CLASP1: variants seen among roughly 807,000 people sequenced by gnomAD.
CLASP1 encodes CLIP-associating protein 1.
In CLASP1, 38 loss-of-function variants were observed where a neutral mutation model predicts 192.3. The observed-to-expected ratio is 0.20, with a 90% CI of 0.15 to 0.26. CLASP1 has a LOEUF of 0.26. Ranked by LOEUF, CLASP1 falls within the 10% of genes least tolerant of loss-of-function variation. The pLI is 1.00. For synonymous variants in CLASP1, 691 were observed against 712.8 expected, an observed-to-expected ratio of 0.97 and a Z score of 0.49; for missense variants, 1,433 against 1,932.5, an observed-to-expected ratio of 0.74 and a Z score of 4.85.
intron 14 of CLASP1, among the ~76,000 whole-genome samples, chr2:121,452,503 T>C (rs900518808): frequency 6.6e-6 from 1 of 152,158 alleles, no homozygotes; most frequent in Non-Finnish European, 1.5e-5. Context: ...AAAATTTTCT[T>C]TTTCTGGCCG....
At chr2:121,506,424 C>A (rs945337997) in intron 7 of CLASP1, among the ~76,000 whole-genome samples, 21 of 151,636 alleles carry the variant, frequency 1.4e-4, no homozygotes, top group African/African-American at 4.9e-4. Context: ...CCAGTGACAA[C>A]TGTTCAACAT....
At chr2:121,638,090 T>A (rs991505529) in intron 1 of CLASP1, among the ~76,000 whole-genome samples, 2 of 151,900 alleles carry the variant, frequency 1.3e-5, no homozygotes, top group African/African-American at 4.8e-5. Flanking sequence ...CCAAAAGATA[T>A]AAATCAATCA....
At chr2:121,546,839 A>C (rs1358981331) in intron 2 of CLASP1, among the ~76,000 whole-genome samples, 1 of 152,152 alleles carries the variant, frequency 6.6e-6, no homozygotes, top group Non-Finnish European at 1.5e-5. Flanking sequence ...CTCTATGAAA[A>C]AGAGGTCAGA....
At chr2:121,478,726 AC>A in intron 8 of CLASP1, among the ~76,000 whole-genome samples, 1 of 90,596 alleles carries the variant, frequency 1.1e-5, no homozygotes, top group Non-Finnish European at 2.2e-5. Context: ...AACCACACAC[AC>A]ACCACACACA....
In CLASP1 at chr2:121,382,750, C is replaced by A. The variant is rs938639197; in HGVS notation, c.3375-426G>T. On this transcript the variant is annotated intron_variant, in intron 32 of 39. Coordinates refer to ENST00000263710, the Ensembl canonical transcript of CLASP1. ...AAAGAACCAAAGAAGAATCATGGGG[C>A]CTTAATTCAAATCGGACCAGAGGGA... Among the ~76,000 whole-genome samples, 5 of 152,280 alleles carry A rather than the reference C, an allele frequency of 3.3e-5. No homozygotes were observed. In the South Asian group the frequency reaches 6.2e-4, roughly 19 times the overall value.
At chr2:121,513,009 G>A (rs917915140) in intron 7 of CLASP1, 3 of 152,218 alleles carry the variant, frequency 2.0e-5, no homozygotes, top group African/African-American at 4.8e-5. Context: ...CTATAATGAT[G>A]TAAGAGAAGT....
At chr2:121,488,154 T>C (rs1211129741) in intron 8 of CLASP1, among the ~76,000 whole-genome samples, 1 of 152,194 alleles carries the variant, frequency 6.6e-6, no homozygotes, top group Admixed American at 6.5e-5. Flanking sequence ...TACTGGATGG[T>C]TTCTTTTTAC....
intron 29 of CLASP1, 62 bp downstream of exon 30, chr2:121,398,260 A>T: frequency 1.6e-6 from 2 of 1,280,492 alleles, no homozygotes; most frequent in Non-Finnish European, 2.2e-6. Context: ...ATACATAAAC[A>T]AAAGTAAATT....
chr2:121,479,300 T>C (rs919531758), intron 8 of CLASP1, among the ~76,000 whole-genome samples: 3 of 151,480 alleles, frequency 2.0e-5, no homozygotes, highest in African/African-American at 7.3e-5. Context: ...AAAGAATGCA[T>C]GCAAAAACTT....
At chr2:121,616,482 AG>A (rs2066485061) in intron 1 of CLASP1, among the ~76,000 whole-genome samples, 2 of 152,184 alleles carry the variant, frequency 1.3e-5, no homozygotes, top group African/African-American at 4.8e-5. Flanking sequence ...CCTGGAAAAC[AG>A]GGTTGAAATT....
chr2:121,560,797 C>T (rs1487606396), intron 2 of CLASP1, among the ~76,000 whole-genome samples: 2 of 152,210 alleles, frequency 1.3e-5, no homozygotes, highest in East Asian at 3.9e-4. Context: ...TGCAGTGGCG[C>T]GATCTCAGCT....
At chr2:121,556,723 C>T (rs922015316) in intron 2 of CLASP1, among the ~76,000 whole-genome samples, 3 of 152,134 alleles carry the variant, frequency 2.0e-5, no homozygotes, top group Non-Finnish European at 4.4e-5. Flanking sequence ...AATAAATGAA[C>T]AAATCCCACT....
intron 7 of CLASP1, among the ~76,000 whole-genome samples, chr2:121,506,568 G>A (rs1315226905): frequency 6.6e-6 from 1 of 152,140 alleles, no homozygotes; most frequent in Non-Finnish European, 1.5e-5. Context: ...ACATACTCCT[G>A]GGAACCTGGG....
intron 24 of CLASP1, among the ~76,000 whole-genome samples, chr2:121,410,070 G>T (rs1479895056): frequency 6.6e-6 from 1 of 152,194 alleles, no homozygotes; most frequent in Non-Finnish European, 1.5e-5. Flanking sequence ...CTGAAAGCAG[G>T]ATATTACATA....
intron 13 of CLASP1, among the ~76,000 whole-genome samples, chr2:121,458,320 A>C (rs1479069066): frequency 2.6e-5 from 4 of 152,228 alleles, no homozygotes; most frequent in African/African-American, 4.8e-5. Flanking sequence ...TTTGTGAACT[A>C]TTAGATTTTG....
intron 33 of CLASP1, among the ~76,000 whole-genome samples, chr2:121,381,133 T>C (rs2071539428): frequency 6.6e-6 from 1 of 152,214 alleles, no homozygotes; most frequent in Non-Finnish European, 1.5e-5. Context: ...CAGGGTTCTC[T>C]GTACATTTTA....
chr2:121,388,581 A>C (rs1442650277), intron 30 of CLASP1, among the ~76,000 whole-genome samples: 2 of 152,244 alleles, frequency 1.3e-5, no homozygotes, highest in Non-Finnish European at 2.9e-5. Flanking sequence ...TAGGCAAAGC[A>C]ATGAGCTGGA....
intron 2 of CLASP1, chr2:121,530,829 C>T: frequency 3.0e-6 from 2 of 658,258 alleles, no homozygotes; most frequent in Non-Finnish European, 5.6e-6. Context: ...ATTACCACAA[C>T]CCTACCAGGT....
At chr2:121,468,727 A>G (rs533742563) in intron 9 of CLASP1, among the ~76,000 whole-genome samples, 7 of 152,282 alleles carry the variant, frequency 4.6e-5, no homozygotes, top group Middle Eastern at 3.4e-3. Context: ...GCAAATAAAG[A>G]TAGTTTGACT....
Sources: allele counts gnomAD v4.1 joint callset (sites outside exome capture counted in the v4.1 genomes callset), GRCh38; gene constraint gnomAD v4.1.1; transcripts MANE v1.5; gene names NCBI Gene and HGNC (gene_info 2026-07-23, HGNC 2026-07-21).